CDH12: variants seen among roughly 807,000 people sequenced by gnomAD.
The protein encoded by CDH12 is cadherin 12.
CDH12 carries 41 observed loss-of-function variants against 74.1 expected under a neutral mutation model. The observed-to-expected ratio is 0.55, with a 90% confidence interval of 0.43 to 0.72. The LOEUF is 0.72. CDH12 is among the 30% of genes least tolerant of loss of function. The pLI, the probability that CDH12 is intolerant of heterozygous loss-of-function variation, is 0.00. For synonymous variants in CDH12, 399 were observed against 355.0 expected (o/e 1.12, Z -1.39); for missense variants, 945 against 977.2 (o/e 0.97, Z 0.44).
chr5:22,567,063 T>C (rs1293336506), intron 1 of CDH12, among the ~76,000 whole-genome samples: 1 of 152,202 alleles, frequency 6.6e-6, no homozygotes, highest in Admixed American at 6.5e-5. Flanking sequence ...CTAGGAAGTA[T>C]GGTCCTATGC....
rs1024204303 is a variant in CDH12 at position 21,919,475 on chromosome 5, C to T, written c.526+55616G>A. On this transcript the variant is annotated intron_variant, in intron 6 of 14. Transcript: ENST00000382254. Reference sequence around the variant, plus strand: ...ACGTTTCAATTCCACTTATGAAATGCCATTATTTCATAAGCTGCCTATTCA... The same window carrying T: ...ACGTTTCAATTCCACTTATGAAATGTCATTATTTCATAAGCTGCCTATTCA... Among the ~76,000 whole-genome samples, 5 of 152,048 alleles carry T rather than the reference C, an allele frequency of 3.3e-5. No homozygotes were observed. In the South Asian group the frequency reaches 1.0e-3, roughly 32 times the overall value.
chr5:22,086,065 T>G (rs4701567), intron 4 of CDH12, among the ~76,000 whole-genome samples: 55,311 of 152,004 alleles, frequency 0.36, 12,721 homozygotes, highest in African/African-American at 0.66. Flanking sequence ...TATCCCAAAA[T>G]GACATATGAC....
At chr5:22,577,131 G>A (rs1480903821) in intron 1 of CDH12, among the ~76,000 whole-genome samples, 5 of 152,232 alleles carry the variant, frequency 3.3e-5, no homozygotes, top group South Asian at 4.1e-4. Context: ...AGAGACAGGC[G>A]GCTTGGGGAG....
chr5:22,315,754 G>T (rs563322233), intron 3 of CDH12, among the ~76,000 whole-genome samples: 1 of 152,276 alleles, frequency 6.6e-6, no homozygotes, highest in East Asian at 1.9e-4. Flanking sequence ...ATATATTATG[G>T]ATGAAGGTTT....
At chr5:22,275,336 G>GA (rs1425631707) in intron 3 of CDH12, among the ~76,000 whole-genome samples, 14 of 148,746 alleles carry the variant, frequency 9.4e-5, no homozygotes, top group African/African-American at 2.0e-4. Flanking sequence ...CATGAAAGTT[G>GA]AAAAAAAAAG....
At chr5:21,966,498 G>A (rs1756592210) in intron 6 of CDH12, among the ~76,000 whole-genome samples, 3 of 152,138 alleles carry the variant, frequency 2.0e-5, no homozygotes, top group Non-Finnish European at 4.4e-5. Flanking sequence ...GGCCTTTGGA[G>A]TAAAAGCTTC....
In CDH12 at chr5:21,755,674, CAAG is replaced by C. The variant is rs1744349654; in HGVS notation, c.1799_1801del (p.Ser600del). ...AGGTAGAAAAATTGCTTCCACATTA[CAAG>C]ACAGGATGGTGCCATCAGAGTCACA... On this transcript the variant is annotated inframe_deletion, in exon 14 of 15. Transcript: ENST00000382254. The C allele has an allele frequency of 6.2e-7, 1 of 1,613,990 alleles. No individual in the cohort carries two copies. Among genetic ancestry groups the C allele is most frequent in the African/African-American group, 1.3e-5 (1 of 74,928 alleles).
intron 1 of CDH12, among the ~76,000 whole-genome samples, chr5:22,597,704 T>C (rs1014402795): frequency 2.0e-5 from 3 of 152,200 alleles, no homozygotes; most frequent in Non-Finnish European, 4.4e-5. Flanking sequence ...GCTCAATAAA[T>C]ATTTATTAAA....
intron 1 of CDH12, among the ~76,000 whole-genome samples, chr5:22,780,121 C>T (rs188444156): frequency 4.6e-5 from 7 of 152,230 alleles, no homozygotes; most frequent in African/African-American, 9.6e-5. Context: ...CACAGTGGCT[C>T]GTTTTTGCAA....
At chr5:22,048,197 T>C (rs747799958) in intron 5 of CDH12, among the ~76,000 whole-genome samples, 1 of 152,036 alleles carries the variant, frequency 6.6e-6, no homozygotes, top group Non-Finnish European at 1.5e-5. Context: ...AGGATGAAAA[T>C]GGAATAAACT....
At chr5:21,891,162 A>G (rs1752881108) in intron 6 of CDH12, among the ~76,000 whole-genome samples, 1 of 152,118 alleles carries the variant, frequency 6.6e-6, no homozygotes, top group Non-Finnish European at 1.5e-5. Context: ...ATTAAACTTT[A>G]TTTGCAATCA....
intron 8 of CDH12, among the ~76,000 whole-genome samples, chr5:21,830,690 C>A (rs966810852): frequency 6.6e-6 from 1 of 152,036 alleles, no homozygotes; most frequent in African/African-American, 2.4e-5. Flanking sequence ...CCCATCTGTA[C>A]CTTTCCAAAA....
At chr5:22,760,678 CAAAAAAA>C (rs11284255) in intron 1 of CDH12, among the ~76,000 whole-genome samples, 2 of 63,446 alleles carry the variant, frequency 3.2e-5, no homozygotes, top group African/African-American at 1.3e-4. Context: ...GACTCCGTCT[CAAAAAAA>C]AAAAAAAAAA....
intron 3 of CDH12, among the ~76,000 whole-genome samples, chr5:22,389,759 T>C (rs978384316): frequency 4.0e-5 from 6 of 151,004 alleles, no homozygotes; most frequent in Non-Finnish European, 8.9e-5. Flanking sequence ...GCCATTCTCC[T>C]GCCTCAGCCT....
At chr5:22,420,689 A>C (rs1743609237) in intron 2 of CDH12, among the ~76,000 whole-genome samples, 1 of 152,000 alleles carries the variant, frequency 6.6e-6, no homozygotes, top group Non-Finnish European at 1.5e-5. Flanking sequence ...AATACTTTTA[A>C]ACTATTAATT....
chr5:22,332,838 A>G (rs933251931), intron 3 of CDH12, among the ~76,000 whole-genome samples: 4 of 152,178 alleles, frequency 2.6e-5, no homozygotes, highest in Non-Finnish European at 4.4e-5. Context: ...GAGGATGTGG[A>G]GAAATAGGAA....
chr5:21,816,873 T>C, intron 9 of CDH12, 72 bp downstream of exon 9: 1 of 1,067,550 alleles, frequency 9.4e-7, no homozygotes, highest in South Asian at 1.9e-5. Context: ...TTACTTGTCA[T>C]TTTCAATATT....
At chr5:22,236,083 G>A (rs980054248) in intron 3 of CDH12, among the ~76,000 whole-genome samples, 1 of 151,886 alleles carries the variant, frequency 6.6e-6, no homozygotes, top group African/African-American at 2.4e-5. Context: ...ACCTGTCTGC[G>A]GCACTTATTA....
chr5:21,989,724 T>C (rs1221962483), intron 5 of CDH12, among the ~76,000 whole-genome samples: 1 of 152,214 alleles, frequency 6.6e-6, no homozygotes, highest in African/African-American at 2.4e-5. Flanking sequence ...TAAGTAACTA[T>C]ATTAAAATTT....
Sources: allele counts gnomAD v4.1 joint callset (sites outside exome capture counted in the v4.1 genomes callset), GRCh38; gene constraint gnomAD v4.1.1; transcripts MANE v1.5; gene names NCBI Gene and HGNC (gene_info 2026-07-23, HGNC 2026-07-21).